The following RAB3IP variants were observed in gnomAD, a reference collection of about 807,000 sequenced individuals.
RAB3IP encodes the protein RAB3A interacting protein.
A neutral mutation model predicts 59.1 loss-of-function variants in RAB3IP; 36 were observed. The ratio of observed to expected loss-of-function variants is 0.61; its 90% CI spans 0.47 to 0.80. The LOEUF (loss-of-function observed/expected upper bound fraction) is 0.80. RAB3IP is among the 30% of genes least tolerant of loss of function. The pLI is 0.00. For synonymous variants in RAB3IP, 207 were observed against 191.2 expected, an observed-to-expected ratio of 1.08 and a Z score of -0.68; for missense variants, 511 against 536.0, an observed-to-expected ratio of 0.95 and a Z score of 0.46.
At chr12:69,787,184 T>G (rs1875822044) in intron 4 of RAB3IP, among the ~76,000 whole-genome samples, 1 of 152,148 alleles carries the variant, frequency 6.6e-6, no homozygotes, top group East Asian at 1.9e-4. Context: ...ATCCTAATCT[T>G]CAATATAATT....
chr12:69,763,954 G>A (rs914395120), intron 3 of RAB3IP, among the ~76,000 whole-genome samples: 1 of 152,052 alleles, frequency 6.6e-6, no homozygotes, highest in African/African-American at 2.4e-5. Context: ...TTTTTTAATG[G>A]CTATATAATA....
chr12:69,743,458 A>G (rs1471922854), intron 1 of RAB3IP, among the ~76,000 whole-genome samples: 3 of 152,128 alleles, frequency 2.0e-5, no homozygotes, highest in Non-Finnish European at 2.9e-5. Flanking sequence ...TGCTTTTGCT[A>G]TTTCCCCCAT....
At chr12:69,805,868 G>C (rs1461074870) in intron 8 of RAB3IP, among the ~76,000 whole-genome samples, 2 of 152,134 alleles carry the variant, frequency 1.3e-5, no homozygotes, top group East Asian at 3.9e-4. Context: ...TGGTGGATAA[G>C]CTTTTTGATG....
chr12:69,794,128 G>A (rs532889824), intron 4 of RAB3IP, among the ~76,000 whole-genome samples: 3 of 152,266 alleles, frequency 2.0e-5, no homozygotes, highest in Middle Eastern at 3.4e-3. Flanking sequence ...GACTGCAAAG[G>A]AGTTGGCTTT....
rs1881344663 is a variant in RAB3IP at position 69,818,249 on chromosome 12, C to G, written c.*2803C>G. 1 of 152,192 alleles carries G rather than the reference C, an allele frequency of 6.6e-6. No homozygotes were observed. The highest frequency in any genetic ancestry group is 2.4e-5 in the African/African-American group (1 of 41,428). The allele number at this position is 152,192 out of a possible 1,614,324, so 9.4% of individuals were successfully genotyped here. Reference sequence around the variant, plus strand: ...TCACTTGAGCCCAAGAGTTCAAGACCAGCTTGAGCAACATAGGGAGACCAC... The same window carrying G: ...TCACTTGAGCCCAAGAGTTCAAGACGAGCTTGAGCAACATAGGGAGACCAC... On this transcript the variant is annotated 3_prime_UTR_variant, in exon 11 of 11. Transcript: ENST00000247833.
At chr12:69,751,806 T>C (rs559212240) in intron 1 of RAB3IP, among the ~76,000 whole-genome samples, 1 of 152,268 alleles carries the variant, frequency 6.6e-6, no homozygotes, top group African/African-American at 2.4e-5. Flanking sequence ...TAAGCTACCA[T>C]CTCAGTACAC....
Position 69,744,106 on chromosome 12 carries a change from G to A in RAB3IP, c.-26+5075G>A, listed in dbSNP as rs182971480. 5.4e-3 allele frequency among the ~76,000 whole-genome samples: 827 copies of A among 152,000 alleles called. 3 individuals carry two copies. Among genetic ancestry groups the A allele is most frequent in the Non-Finnish European group, 8.0e-3 (545 of 67,964 alleles). On this transcript the variant is annotated intron_variant, in intron 1 of 10. Transcript: ENST00000247833. ...ACCGGTCAACCCATCATCTACCTTA[G>A]GTATTTCTCCTAATGCTATCCCTCC...
chr12:69,739,690 TC>T, intron 1 of RAB3IP: 2 of 705,942 alleles, frequency 2.8e-6, no homozygotes, highest in Non-Finnish European at 4.9e-6. Context: ...AGACTTGTGT[TC>T]GGGGGAGTTG....
intron 1 of RAB3IP, among the ~76,000 whole-genome samples, chr12:69,754,843 A>G (rs1478403614): frequency 6.6e-6 from 1 of 152,170 alleles, no homozygotes; most frequent in Non-Finnish European, 1.5e-5. Context: ...TGTTTTTAGT[A>G]TTTTCATATT....
chr12:69,807,498 G>A (rs1253717344), intron 8 of RAB3IP, among the ~76,000 whole-genome samples: 7 of 136,112 alleles, frequency 5.1e-5, no homozygotes, highest in Non-Finnish European at 8.0e-5. Flanking sequence ...CCCAGACGAC[G>A]GGCGGCCGGG....
At chr12:69,748,354 A>G (rs1306898876) in intron 1 of RAB3IP, among the ~76,000 whole-genome samples, 3 of 152,218 alleles carry the variant, frequency 2.0e-5, no homozygotes, top group Non-Finnish European at 4.4e-5. Flanking sequence ...CTTTAATTAG[A>G]AAAAGTAAAT....
rs1877928661 is a variant in RAB3IP at position 69,798,792 on chromosome 12, ATCTT to A, written c.889-1412_889-1409del. Among the ~76,000 whole-genome samples, 3 of 152,170 alleles carry A rather than the reference ATCTT, an allele frequency of 2.0e-5. No homozygotes were observed. In the South Asian group the frequency reaches 6.2e-4, roughly 31 times the overall value. The stretch of plus-strand genomic sequence containing the variant: ...TTTATTAAATAGGGAATAAATTTGC[ATCTT>A]TCTTAAGAAAGAGTAACAGACTTAG... On this transcript the variant is annotated intron_variant, in intron 6 of 10. Transcript: ENST00000247833.
chr12:69,790,370 T>A (rs1316044173), intron 4 of RAB3IP, among the ~76,000 whole-genome samples: 1 of 152,158 alleles, frequency 6.6e-6, no homozygotes. Flanking sequence ...GCAAAAAGAC[T>A]TGTATACTGA....
At chr12:69,766,606 C>T (rs200056498) in intron 3 of RAB3IP, among the ~76,000 whole-genome samples, 37 of 152,094 alleles carry the variant, frequency 2.4e-4, no homozygotes, top group East Asian at 3.9e-4. Flanking sequence ...CTGCAACCTC[C>T]GCTTCCCAGG....
At chr12:69,745,083 A>C (rs944279638) in intron 1 of RAB3IP, among the ~76,000 whole-genome samples, 1 of 152,210 alleles carries the variant, frequency 6.6e-6, no homozygotes, top group Non-Finnish European at 1.5e-5. Context: ...TAATGAACCT[A>C]AAAGTTTCCA....
chr12:69,772,396 G>T (rs1873277671), intron 3 of RAB3IP, among the ~76,000 whole-genome samples: 1 of 152,060 alleles, frequency 6.6e-6, no homozygotes, highest in African/African-American at 2.4e-5. Flanking sequence ...ATTTTAATCT[G>T]TTTACATTCA....
intron 3 of RAB3IP, among the ~76,000 whole-genome samples, chr12:69,758,574 C>T (rs115676622): frequency 0.011 from 1,637 of 151,996 alleles, 27 homozygotes; most frequent in African/African-American, 0.037. Context: ...TTATTTTTCC[C>T]CTCCTAGTTT....
chr12:69,789,622 A>G (rs1592563998), intron 4 of RAB3IP, among the ~76,000 whole-genome samples: 1 of 152,168 alleles, frequency 6.6e-6, no homozygotes, highest in Non-Finnish European at 1.5e-5. Flanking sequence ...AAGCCAGTAA[A>G]TGTACCACAA....
intron 2 of RAB3IP, 99 bp from the exon 3 acceptor site, chr12:69,756,306 C>T: frequency 8.1e-7 from 1 of 1,232,780 alleles, no homozygotes; most frequent in East Asian, 2.4e-5. Context: ...AATATAGAAG[C>T]TACCAAATTG....
Sources: allele counts gnomAD v4.1 joint callset (sites outside exome capture counted in the v4.1 genomes callset), GRCh38; gene constraint gnomAD v4.1.1; transcripts MANE v1.5; gene names NCBI Gene and HGNC (gene_info 2026-07-23, HGNC 2026-07-21).